CDH2: variants seen among roughly 807,000 people sequenced by gnomAD.
The protein encoded by CDH2 is cadherin-2.
Under a neutral mutation model 92.0 loss-of-function variants are expected in CDH2, and 17 were observed. The ratio of observed to expected loss-of-function variants is 0.18; its 90% confidence interval spans 0.13 to 0.28. The LOEUF is 0.28. Ranked by LOEUF, CDH2 falls within the 10% of genes least tolerant of loss-of-function variation. The pLI is 1.00. For missense variants in CDH2, 862 were observed against 1,133.1 expected, an observed-to-expected ratio of 0.76 and a Z score of 3.44; for synonymous variants, 419 against 415.9, an observed-to-expected ratio of 1.01 and a Z score of -0.09.
intron 2 of CDH2, among the ~76,000 whole-genome samples, chr18:28,122,056 C>G (rs2015597183): frequency 6.6e-6 from 1 of 152,098 alleles, no homozygotes; most frequent in Non-Finnish European, 1.5e-5. Context: ...TACTCGCATT[C>G]TTCTAATTAC....
At chr18:27,973,178 A>G (rs551026400) in intron 14 of CDH2, among the ~76,000 whole-genome samples, 14 of 152,188 alleles carry the variant, frequency 9.2e-5, no homozygotes, top group African/African-American at 3.4e-4. Context: ...CCAAGACTCT[A>G]GGGATCTCAT....
At chr18:27,991,285 C>T (rs183717524) in intron 9 of CDH2, among the ~76,000 whole-genome samples, 63 of 152,270 alleles carry the variant, frequency 4.1e-4, no homozygotes, top group African/African-American at 1.2e-3. Context: ...TAAGAATGAT[C>T]GAGAGGTGAC....
chr18:28,120,584 G>A lies in CDH2; in HGVS notation c.172+27089C>T, dbSNP rs1307540970. Among the ~76,000 whole-genome samples, 6 of 152,114 alleles carry A rather than the reference G, an allele frequency of 3.9e-5. No homozygotes were observed. The South Asian group carries it at 8.3e-4, about 21-fold the overall frequency. On this transcript the variant is annotated intron_variant, in intron 2 of 15. Coordinates refer to ENST00000269141, the MANE Select transcript of CDH2 (RefSeq NM_001792.5). ...CCTGTAATGGTACATGGCCGAACAC[G>A]CTGTATGTATTTAGAAGATATGTCA...
chr18:28,111,786 A>G (rs542477765), intron 2 of CDH2, among the ~76,000 whole-genome samples: 1 of 152,326 alleles, frequency 6.6e-6, no homozygotes, highest in South Asian at 2.1e-4. Flanking sequence ...AAGAGCTTGA[A>G]ACACATGATC....
intron 14 of CDH2, among the ~76,000 whole-genome samples, chr18:27,980,739 G>T (rs939710456): frequency 6.7e-6 from 1 of 148,908 alleles, no homozygotes; most frequent in South Asian, 2.1e-4. Context: ...AAAATCTTTG[G>T]ACTCGTGGGG....
At chr18:28,077,266 G>A (rs2014738612) in intron 2 of CDH2, among the ~76,000 whole-genome samples, 1 of 152,168 alleles carries the variant, frequency 6.6e-6, no homozygotes, top group Admixed American at 6.5e-5. Context: ...AAGGTTGTAA[G>A]CAGAAATCAT....
In CDH2 at chr18:28,177,105, C is replaced by A. The variant is rs1385132385; in HGVS notation, c.-83G>T. ...GCGGAGGAGGAGGAGGCAGCGGCAG[C>A]ACCAACAGCGGCGCGGAGAAACGGC... On this transcript the variant is annotated 5_prime_UTR_variant, in exon 1 of 16. Coordinates refer to ENST00000269141, the MANE Select transcript of CDH2 (RefSeq NM_001792.5). 1.9e-6 allele frequency: 2 copies of A among 1,043,700 alleles called. No homozygotes were observed. Among genetic ancestry groups the A allele is most frequent in the Non-Finnish European group, 2.7e-6 (2 of 736,310 alleles). The allele number at this position is 1,043,700 out of a possible 1,614,324, so 64.7% of individuals were successfully genotyped here. A position where few individuals can be genotyped will look rare whatever the true frequency, so the allele number is the denominator to read the frequency against.
At chr18:28,044,856 T>TGTGTGTGTGTGTGG (rs2014041941) in intron 2 of CDH2, among the ~76,000 whole-genome samples, 1 of 134,434 alleles carries the variant, frequency 7.4e-6, no homozygotes, top group Admixed American at 6.9e-5. Flanking sequence ...ACATCGTGTG[T>TGTGTGTGTGTGTGG]GTGTGTGTGT....
chr18:28,003,590 G>A (rs932339396), intron 6 of CDH2, among the ~76,000 whole-genome samples: 2 of 152,110 alleles, frequency 1.3e-5, no homozygotes, highest in African/African-American at 4.8e-5. Flanking sequence ...AAAATAACAT[G>A]CTGAGTATGA....
chr18:28,173,382 G>GT (rs1315499550), intron 1 of CDH2, among the ~76,000 whole-genome samples: 1 of 152,058 alleles, frequency 6.6e-6, no homozygotes, highest in African/African-American at 2.4e-5. Flanking sequence ...TGAACACCAA[G>GT]TTAACTCTTC....
At chr18:28,059,995 G>A (rs2014369058) in intron 2 of CDH2, among the ~76,000 whole-genome samples, 1 of 151,614 alleles carries the variant, frequency 6.6e-6, no homozygotes, top group Admixed American at 6.6e-5. Context: ...TCTGCACTCT[G>A]TATTACTTAG....
At chr18:27,994,875 A>G (rs2012531131) in intron 7 of CDH2, among the ~76,000 whole-genome samples, 1 of 152,164 alleles carries the variant, frequency 6.6e-6, no homozygotes, top group Non-Finnish European at 1.5e-5. Flanking sequence ...AATCTCTAGC[A>G]GTTATTTATT....
At chr18:28,166,494 TATG>T (rs1158273303) in intron 1 of CDH2, among the ~76,000 whole-genome samples, 5 of 151,980 alleles carry the variant, frequency 3.3e-5, no homozygotes, top group Non-Finnish European at 7.4e-5. Flanking sequence ...AATCAATGGT[TATG>T]ATATTCTCCC....
intron 2 of CDH2, among the ~76,000 whole-genome samples, chr18:28,093,904 G>T (rs2015080018): frequency 6.6e-6 from 1 of 152,188 alleles, no homozygotes; most frequent in African/African-American, 2.4e-5. Flanking sequence ...ATGTTTGGAG[G>T]TCTACACAGA....
intron 2 of CDH2, among the ~76,000 whole-genome samples, chr18:28,027,365 A>C (rs2144073913): frequency 6.6e-6 from 1 of 152,240 alleles, no homozygotes; most frequent in South Asian, 2.1e-4. Context: ...CCCTACCAAA[A>C]AGTTTTTATT....
At chr18:28,175,898 G>A (rs1362844794) in intron 1 of CDH2, among the ~76,000 whole-genome samples, 1 of 152,186 alleles carries the variant, frequency 6.6e-6, no homozygotes, top group Non-Finnish European at 1.5e-5. Flanking sequence ...ACCGACTTGG[G>A]ACCAGGGCAC....
chr18:27,972,513 C>A (rs1349892621), intron 14 of CDH2, among the ~76,000 whole-genome samples: 1 of 152,186 alleles, frequency 6.6e-6, no homozygotes, highest in Non-Finnish European at 1.5e-5. Flanking sequence ...AAAGGACATG[C>A]AAACTAAGAG....
At chr18:28,104,573 A>G (rs1485197735) in intron 2 of CDH2, among the ~76,000 whole-genome samples, 4 of 151,444 alleles carry the variant, frequency 2.6e-5, no homozygotes, top group Non-Finnish European at 5.9e-5. Flanking sequence ...TGTAAGTAAA[A>G]TTATCTTTAT....
chr18:28,046,224 T>C (rs1436261307), intron 2 of CDH2, among the ~76,000 whole-genome samples: 1 of 152,202 alleles, frequency 6.6e-6, no homozygotes, highest in East Asian at 1.9e-4. Flanking sequence ...AAGCTATTGT[T>C]ATCTAGTACT....
Sources: gnomAD v4.1 joint callset for allele counts (sites outside exome capture counted in the v4.1 genomes callset) on GRCh38, gnomAD v4.1.1 for gene constraint, MANE v1.5 for transcripts, NCBI Gene and HGNC (gene_info 2026-07-23, HGNC 2026-07-21) for gene names.